The following ASCC3 variants were observed in gnomAD, a reference collection of about 807,000 sequenced individuals.
The protein encoded by ASCC3 is ASC-1 complex subunit P200.
Under a neutral mutation model 256.3 loss-of-function variants are expected in ASCC3, and 158 were observed. The observed-to-expected ratio is 0.62, with a 90% CI of 0.54 to 0.70. The LOEUF (loss-of-function observed/expected upper bound fraction) is 0.70. Ranked by LOEUF, ASCC3 falls within the 30% of genes least tolerant of loss-of-function variation. ASCC3 has a pLI of 0.00. For missense variants in ASCC3, 2,259 were observed against 2,626.0 expected, an observed-to-expected ratio of 0.86 and a Z score of 3.05; for synonymous variants, 948 against 883.4, an observed-to-expected ratio of 1.07 and a Z score of -1.30.
Position 100,629,013 on chromosome 6 carries a change from A to G in ASCC3, c.4375+2T>C. 1.9e-6 allele frequency: 3 copies of G among 1,612,550 alleles called. No individual in the cohort carries two copies. The highest frequency in any genetic ancestry group is 2.5e-6 in the Non-Finnish European group (3 of 1,179,500). On this transcript the variant is annotated splice_donor_variant, in intron 27 of 41. Coordinates refer to ENST00000369162, the MANE Select transcript of ASCC3 (RefSeq NM_006828.4). LOFTEE classifies it high-confidence loss of function. ...ACTGGCTTTAGATACAGTGGTACCT[A>G]CCAAGCAGATGGATCTCATCTATGA... is the stretch of plus-strand genomic sequence containing the variant.
intron 13 of ASCC3, chr6:100,715,049 A>G (rs1262840430): frequency 6.5e-6 from 1 of 154,294 alleles, no homozygotes; most frequent in East Asian, 1.9e-4. Context: ...TATATAAGCA[A>G]TTATTATCAC....
At position 100,851,353 on chromosome 6, in the gene ASCC3, G is replaced by A. The variant is rs191314674; in HGVS notation, c.242-2646C>T. ...AACAGCCTTATTATCTAATGTAAAA[G>A]TGTAATTAACTTAAATATCCATTAT... On this transcript the variant is annotated intron_variant, in intron 3 of 41. Coordinates refer to ENST00000369162, the MANE Select transcript of ASCC3 (RefSeq NM_006828.4). Among the ~76,000 whole-genome samples the A allele has an allele frequency of 1.8e-3, 277 of 152,254 alleles. 1 individual carries two copies. Among genetic ancestry groups the A allele is most frequent in the Admixed American group, 0.016 (242 of 15,294 alleles).
intron 8 of ASCC3, among the ~76,000 whole-genome samples, chr6:100,774,736 T>G (rs529085898): frequency 6.6e-6 from 1 of 152,176 alleles, no homozygotes; most frequent in African/African-American, 2.4e-5. Context: ...ACTCCTGGGC[T>G]CAAGTTATCC....
intron 14 of ASCC3, among the ~76,000 whole-genome samples, chr6:100,678,988 C>T (rs1167639806): frequency 1.3e-5 from 2 of 152,134 alleles, no homozygotes; most frequent in African/African-American, 4.8e-5. Context: ...TACCAATACT[C>T]AAATTACCTA....
intron 30 of ASCC3, among the ~76,000 whole-genome samples, chr6:100,611,901 G>T (rs974924927): frequency 6.6e-6 from 1 of 151,548 alleles, no homozygotes; most frequent in Non-Finnish European, 1.5e-5. Flanking sequence ...AACACTGATA[G>T]AAGAAGTTTT....
intron 13 of ASCC3, among the ~76,000 whole-genome samples, chr6:100,690,682 C>T (rs1308599548): frequency 1.3e-5 from 2 of 152,076 alleles, no homozygotes; most frequent in African/African-American, 4.8e-5. Context: ...ATTTATGCTG[C>T]CCTAGCTATA....
intron 36 of ASCC3, 137 bp downstream of exon 36, chr6:100,589,497 G>T (rs1771877182): frequency 2.1e-6 from 2 of 935,834 alleles, no homozygotes; most frequent in Non-Finnish European, 3.2e-6. Context: ...TAGTCTAGAT[G>T]TGTTGCTTTG....
chr6:100,762,923 G>A (rs939911471), intron 10 of ASCC3, among the ~76,000 whole-genome samples: 4 of 151,960 alleles, frequency 2.6e-5, no homozygotes, highest in African/African-American at 4.8e-5. Context: ...TTAACAATAC[G>A]GAGAAAGTTA....
intron 25 of ASCC3, among the ~76,000 whole-genome samples, chr6:100,632,151 C>T (rs528112898): frequency 8.9e-5 from 12 of 135,372 alleles, no homozygotes; most frequent in African/African-American, 3.3e-4. Flanking sequence ...CATATATAAA[C>T]CAGTAGAATA....
At chr6:100,686,744 T>C (rs1054956641) in intron 13 of ASCC3, among the ~76,000 whole-genome samples, 6 of 152,172 alleles carry the variant, frequency 3.9e-5, no homozygotes, top group Non-Finnish European at 2.9e-5. Context: ...AATATATCTG[T>C]TGGATACATT....
intron 13 of ASCC3, 106 bp from the exon 14 acceptor site, chr6:100,679,858 A>C: frequency 4.8e-6 from 6 of 1,261,204 alleles, no homozygotes; most frequent in Non-Finnish European, 6.8e-6. Context: ...TTCTCAAAAC[A>C]TAATCACAAA....
At chr6:100,742,798 G>A (rs931322335) in intron 10 of ASCC3, among the ~76,000 whole-genome samples, 19 of 152,302 alleles carry the variant, frequency 1.2e-4, no homozygotes, top group Middle Eastern at 3.4e-3. Context: ...ACTCCATCCT[G>A]TTTCAGGTAG....
chr6:100,547,654 A>T (rs1266389434), intron 36 of ASCC3, among the ~76,000 whole-genome samples: 1 of 152,084 alleles, frequency 6.6e-6, no homozygotes, highest in African/African-American at 2.4e-5. Context: ...TGTTGGAGAG[A>T]ATGGGAAAGA....
intron 8 of ASCC3, among the ~76,000 whole-genome samples, chr6:100,782,816 A>C (rs1782510129): frequency 1.3e-5 from 2 of 152,102 alleles, no homozygotes; most frequent in Admixed American, 1.3e-4. Context: ...ATGCTATTTT[A>C]TTGTCCAAAT....
intron 30 of ASCC3, among the ~76,000 whole-genome samples, chr6:100,616,198 A>G (rs988557558): frequency 6.6e-6 from 1 of 152,184 alleles, no homozygotes; most frequent in African/African-American, 2.4e-5. Context: ...ATCTGAACTC[A>G]GGATAATTTT....
chr6:100,744,193 C>T (rs1297671440), intron 10 of ASCC3, among the ~76,000 whole-genome samples: 1 of 152,064 alleles, frequency 6.6e-6, no homozygotes, highest in African/African-American at 2.4e-5. Context: ...TTTTACTTTC[C>T]CTTAGTTTTT....
chr6:100,744,864 T>C (rs1339263341), intron 10 of ASCC3, among the ~76,000 whole-genome samples: 1 of 152,196 alleles, frequency 6.6e-6, no homozygotes, highest in African/African-American at 2.4e-5. Flanking sequence ...GTTTGAGAAT[T>C]GTGTCAAAAT....
Position 100,766,616 on chromosome 6 carries a change from T to C in ASCC3, c.1686A>G (p.Lys562=). The change falls in exon 10 of 42, where the codon AAA becomes AAG. Residue 562 remains lysine, a synonymous_variant. Coordinates refer to ENST00000369162, the MANE Select transcript of ASCC3 (RefSeq NM_006828.4). ...ACAACTGCATGTCACCAGTCAATTC[T>C]TTCACAATGATGCCTAGTGGCTCTA... ...RRLEPLGIIV[K]ELTGDMQLSK... The C allele has an allele frequency of 6.2e-7, 1 of 1,614,066 alleles. No homozygotes were observed. The highest frequency in any genetic ancestry group is 8.5e-7 in the Non-Finnish European group (1 of 1,179,966).
At chr6:100,548,645 T>C (rs772025522) in intron 36 of ASCC3, among the ~76,000 whole-genome samples, 3 of 151,834 alleles carry the variant, frequency 2.0e-5, no homozygotes, top group African/African-American at 4.8e-5. Context: ...AAGAGATACA[T>C]GGAAACATGA....
Sources: gnomAD v4.1 joint callset for allele counts (sites outside exome capture counted in the v4.1 genomes callset) on GRCh38, gnomAD v4.1.1 for gene constraint, MANE v1.5 for transcripts, NCBI Gene and HGNC (gene_info 2026-07-23, HGNC 2026-07-21) for gene names.